Variants in PTPRD observed in about 807,000 individuals in gnomAD.
PTPRD encodes receptor-type tyrosine-protein phosphatase delta.
PTPRD carries 34 observed loss-of-function variants against 214.5 expected under a neutral mutation model. The ratio of observed to expected loss-of-function variants is 0.16; its 90% CI spans 0.12 to 0.21. The LOEUF (loss-of-function observed/expected upper bound fraction) is 0.21. PTPRD is among the 10% of genes least tolerant of loss of function. The pLI is 1.00. For missense variants in PTPRD, 2,545 were observed against 2,398.7 expected (o/e 1.06, Z -1.27); for synonymous variants, 1,128 against 845.7 (o/e 1.33, Z -5.79).
chr9:8,959,264 G>A (rs547224692), intron 11 of PTPRD, among the ~76,000 whole-genome samples: 1 of 151,984 alleles, frequency 6.6e-6, no homozygotes, highest in Non-Finnish European at 1.5e-5. Context: ...TGGAAGGACA[G>A]CAGGATGCTA....
chr9:10,194,678 A>G (rs2099390395), intron 3 of PTPRD, among the ~76,000 whole-genome samples: 1 of 56,358 alleles, frequency 1.8e-5, no homozygotes, highest in African/African-American at 3.9e-5. Context: ...TTCCCACACA[A>G]TTACATACAT....
At chr9:9,983,979 G>A (rs1200842471) in intron 4 of PTPRD, among the ~76,000 whole-genome samples, 1 of 151,898 alleles carries the variant, frequency 6.6e-6, no homozygotes, top group Non-Finnish European at 1.5e-5. Context: ...CTATTCCTTT[G>A]TCAACCTGTA....
At chr9:9,428,563 T>C (rs979114623) in intron 8 of PTPRD, among the ~76,000 whole-genome samples, 1 of 152,162 alleles carries the variant, frequency 6.6e-6, no homozygotes, top group Non-Finnish European at 1.5e-5. Flanking sequence ...TTAATAAACA[T>C]CTACAGAACT....
intron 12 of PTPRD, among the ~76,000 whole-genome samples, chr9:8,687,599 T>C (rs1204801744): frequency 6.6e-6 from 1 of 152,112 alleles, no homozygotes; most frequent in Non-Finnish European, 1.5e-5. Context: ...CTGTTAGCCT[T>C]GATCTAATTT....
At chr9:9,311,346 G>C (rs1015317971) in intron 9 of PTPRD, among the ~76,000 whole-genome samples, 1 of 151,950 alleles carries the variant, frequency 6.6e-6, no homozygotes, top group Non-Finnish European at 1.5e-5. Context: ...TCTCAGGAGA[G>C]GTCTGAATAT....
At chr9:9,218,607 T>C (rs768103269) in intron 9 of PTPRD, among the ~76,000 whole-genome samples, 45 of 152,140 alleles carry the variant, frequency 3.0e-4, no homozygotes, top group Admixed American at 2.6e-4. Context: ...TGGTAACATA[T>C]ATAATAGGAC....
intron 10 of PTPRD, among the ~76,000 whole-genome samples, chr9:9,174,721 T>G (rs1401107072): frequency 1.3e-5 from 2 of 152,340 alleles, no homozygotes; most frequent in African/African-American, 4.8e-5. Flanking sequence ...TTGAAAAATG[T>G]AATTCTGCCT....
intron 3 of PTPRD, among the ~76,000 whole-genome samples, chr9:10,131,783 G>C (rs916172409): frequency 1.3e-5 from 2 of 152,070 alleles, no homozygotes; most frequent in Non-Finnish European, 2.9e-5. Context: ...ATTTTCTAAA[G>C]CTACCTTTAG....
intron 7 of PTPRD, among the ~76,000 whole-genome samples, chr9:9,712,064 T>G (rs559296272): frequency 6.6e-6 from 1 of 152,286 alleles, no homozygotes; most frequent in South Asian, 2.1e-4. Flanking sequence ...ACTCAAAAAT[T>G]TAAACAAGTT....
chr9:8,793,060 C>T lies in PTPRD; in HGVS notation c.-103-59114G>A, dbSNP rs113535659. On this transcript the variant is annotated intron_variant, in intron 11 of 45. Coordinates refer to ENST00000381196, the MANE Select transcript of PTPRD (RefSeq NM_002839.4). Reference sequence around the variant, plus strand: ...TATGTAAGGTCCTGTAGCGCTTTAGCGGCAAACAGATGACTCGTACCTGGG... The same window carrying T: ...TATGTAAGGTCCTGTAGCGCTTTAGTGGCAAACAGATGACTCGTACCTGGG... Among the ~76,000 whole-genome samples, 380 of 152,274 alleles carry T rather than the reference C, an allele frequency of 2.5e-3. 1 individual carries two copies. Among genetic ancestry groups the T allele is most frequent in the African/African-American group, 8.1e-3 (335 of 41,570 alleles).
At chr9:8,355,218 C>A (rs1200365653) in intron 39 of PTPRD, among the ~76,000 whole-genome samples, 1 of 152,058 alleles carries the variant, frequency 6.6e-6, no homozygotes, top group Non-Finnish European at 1.5e-5. Flanking sequence ...TCCCTTTTGC[C>A]ATCTGATACA....
chr9:8,702,924 G>C (rs2098122495), intron 12 of PTPRD, among the ~76,000 whole-genome samples: 1 of 152,248 alleles, frequency 6.6e-6, no homozygotes, highest in South Asian at 2.1e-4. Flanking sequence ...ATACAATTTA[G>C]TTCAGCCTAA....
chr9:10,513,445 G>A (rs1458894229), intron 2 of PTPRD, among the ~76,000 whole-genome samples: 5 of 152,126 alleles, frequency 3.3e-5, no homozygotes, highest in Non-Finnish European at 7.4e-5. Context: ...ATATTTTAAA[G>A]TGAGAGAAGA....
At chr9:9,924,849 T>A (rs143256359) in intron 5 of PTPRD, among the ~76,000 whole-genome samples, 1 of 152,128 alleles carries the variant, frequency 6.6e-6, no homozygotes, top group South Asian at 2.1e-4. Flanking sequence ...TTATGAAATT[T>A]GTTGCTAGTA....
intron 8 of PTPRD, among the ~76,000 whole-genome samples, chr9:9,516,972 G>A: frequency 6.6e-6 from 1 of 151,516 alleles, no homozygotes; most frequent in South Asian, 2.1e-4. Flanking sequence ...GCCCAAAAAT[G>A]AATAAGAAAA....
At chr9:9,717,862 G>C (rs555724217) in intron 7 of PTPRD, among the ~76,000 whole-genome samples, 2 of 151,470 alleles carry the variant, frequency 1.3e-5, no homozygotes, top group East Asian at 3.9e-4. Context: ...AAAACACTTA[G>C]GGCAAAAAAT....
intron 3 of PTPRD, among the ~76,000 whole-genome samples, chr9:10,070,940 G>A (rs2097998807): frequency 6.6e-6 from 1 of 151,828 alleles, no homozygotes; most frequent in African/African-American, 2.4e-5. Flanking sequence ...CAGGACAAAT[G>A]GTAATTAGGG....
intron 3 of PTPRD, among the ~76,000 whole-genome samples, chr9:10,163,191 T>G (rs2099139656): frequency 6.9e-6 from 1 of 145,808 alleles, no homozygotes; most frequent in Non-Finnish European, 1.5e-5. Flanking sequence ...TGATTTTGAA[T>G]TATATTCTCT....
intron 7 of PTPRD, among the ~76,000 whole-genome samples, chr9:9,575,967 C>G (rs2088582076): frequency 6.6e-6 from 1 of 151,906 alleles, no homozygotes; most frequent in African/African-American, 2.4e-5. Context: ...ATTAGTAGTA[C>G]TTGCAAACTC....
Sources: allele counts gnomAD v4.1 joint callset (sites outside exome capture counted in the v4.1 genomes callset), GRCh38; gene constraint gnomAD v4.1.1; transcripts MANE v1.5; gene names NCBI Gene and HGNC (gene_info 2026-07-23, HGNC 2026-07-21).